Variants in CRTC3 observed in about 807,000 individuals in gnomAD.
CRTC3 encodes CREB regulated transcription coactivator 3.
In CRTC3, 26 loss-of-function variants were observed where a neutral mutation model predicts 74.5. The observed-to-expected ratio is 0.35, with a 90% CI of 0.26 to 0.48. The LOEUF (loss-of-function observed/expected upper bound fraction) is 0.48, where lower values mean the gene tolerates loss of function less well. Ranked by LOEUF, CRTC3 falls within the 20% of genes least tolerant of loss-of-function variation. The pLI, the probability that CRTC3 is intolerant of heterozygous loss-of-function variation, is 0.99. For synonymous variants in CRTC3, 377 were observed against 325.8 expected, an observed-to-expected ratio of 1.16 and a Z score of -1.69; for missense variants, 760 against 787.3, an observed-to-expected ratio of 0.97 and a Z score of 0.41.
intron 2 of CRTC3, among the ~76,000 whole-genome samples, chr15:90,559,972 T>A (rs1032731622): frequency 2.6e-5 from 4 of 152,264 alleles, no homozygotes; most frequent in African/African-American, 9.6e-5. Context: ...CCATTCTGGT[T>A]TCCTCTTCTG....
chr15:90,644,322 C>T lies in CRTC3; in HGVS notation c.*2182C>T, dbSNP rs1469948979. ...CAAAGGGCTTCCAAACCTGATCTCA[C>T]TCTCAACAGGCGATGGTGCTGATGT... is the stretch of plus-strand genomic sequence containing the variant. On this transcript the variant is annotated 3_prime_UTR_variant, in exon 15 of 15. Transcript: ENST00000268184. 2.6e-5 allele frequency: 6 copies of T among 230,198 alleles called. No homozygotes were observed. Among genetic ancestry groups the T allele is most frequent in the Middle Eastern group, 1.3e-3 (1 of 790 alleles). 14.3% of individuals were successfully genotyped at this position (230,198 alleles called of 1,614,324 possible). A position where few individuals can be genotyped will look rare whatever the true frequency, so the allele number is the denominator to read the frequency against.
At chr15:90,532,145 C>T (rs1966637983) in intron 1 of CRTC3, among the ~76,000 whole-genome samples, 1 of 152,228 alleles carries the variant, frequency 6.6e-6, no homozygotes, top group South Asian at 2.1e-4. Context: ...TAATTCTGCC[C>T]GTGTTTTCTT....
intron 2 of CRTC3, among the ~76,000 whole-genome samples, chr15:90,590,831 G>C (rs8031714): frequency 0.69 from 105,520 of 152,110 alleles, 37,677 homozygotes; most frequent in South Asian, 0.86. Context: ...AAGAAGAGAA[G>C]AAAATATCAA....
chr15:90,638,366 C>T (rs767444610), intron 11 of CRTC3, 80 bp from the exon 12 acceptor site: 18 of 1,254,818 alleles, frequency 1.4e-5, no homozygotes, highest in Non-Finnish European at 2.0e-5. Flanking sequence ...CTTCCTCTCA[C>T]TCTGACATTT....
At chr15:90,634,892 G>C in intron 11 of CRTC3, 1 of 1,570,956 alleles carries the variant, frequency 6.4e-7, no homozygotes, top group East Asian at 2.2e-5. Context: ...CTAAAGGTAA[G>C]GCTGGAGAGA....
At chr15:90,566,560 A>G (rs1967127002) in intron 2 of CRTC3, among the ~76,000 whole-genome samples, 1 of 150,952 alleles carries the variant, frequency 6.6e-6, no homozygotes, top group African/African-American at 2.4e-5. Context: ...TTAAAAAAAA[A>G]AAAGAGGAAG....
At chr15:90,547,252 C>G (rs996100889) in intron 2 of CRTC3, among the ~76,000 whole-genome samples, 5 of 152,156 alleles carry the variant, frequency 3.3e-5, no homozygotes, top group Admixed American at 1.3e-4. Flanking sequence ...AGAATCTGCT[C>G]TCAGCAATTT....
chr15:90,612,026 A>ACTCCTCCTC (rs59213374), intron 6 of CRTC3, among the ~76,000 whole-genome samples: 20 of 51,238 alleles, frequency 3.9e-4, no homozygotes, highest in South Asian at 1.1e-3. Flanking sequence ...ACCACCCCCC[A>ACTCCTCCTC]CTCCTCCTCC....
At chr15:90,565,481 A>G (rs1221066991) in intron 2 of CRTC3, among the ~76,000 whole-genome samples, 1 of 152,116 alleles carries the variant, frequency 6.6e-6, no homozygotes, top group Non-Finnish European at 1.5e-5. Context: ...TGGGTAATGC[A>G]ATGTGCTCTT....
chr15:90,568,892 A>G (rs1967188190), intron 2 of CRTC3, among the ~76,000 whole-genome samples: 1 of 152,228 alleles, frequency 6.6e-6, no homozygotes, highest in Admixed American at 6.5e-5. Context: ...AGCATTTTTT[A>G]GCAATAAAGT....
At position 90,631,200 on chromosome 15, in the gene CRTC3, C is replaced by T. The variant is rs144194016; in HGVS notation, c.1266+1668C>T. ...TGGTCACTCTTTACCAATTACTAGC[C>T]GTGGCGTGTTGATCGTATGAGTGAT... On this transcript the variant is annotated intron_variant, in intron 11 of 14. Coordinates refer to ENST00000268184, the MANE Select transcript of CRTC3 (RefSeq NM_022769.5). 1.4e-4 allele frequency among the ~76,000 whole-genome samples: 21 copies of T among 152,232 alleles called. 1 individual carries two copies. The East Asian group carries it at 2.7e-3, about 20-fold the overall frequency.
At chr15:90,561,118 C>G (rs1967002526) in intron 2 of CRTC3, among the ~76,000 whole-genome samples, 1 of 152,134 alleles carries the variant, frequency 6.6e-6, no homozygotes, top group Admixed American at 6.5e-5. Flanking sequence ...CAAGATGTGG[C>G]TACTAATAGT....
Position 90,603,325 on chromosome 15 carries a change from C to A in CRTC3, c.413+940C>A, listed in dbSNP as rs906345880. Among the ~76,000 whole-genome samples the A allele has an allele frequency of 2.0e-5, 3 of 150,528 alleles. No individual in the cohort carries two copies. The East Asian group carries it at 6.0e-4, about 30-fold the overall frequency. On this transcript the variant is annotated intron_variant, in intron 4 of 14. Transcript: ENST00000268184. ...GGGCGTGGTGGCAGGCGCCTGTAGTCCCAGCTACTCGGGAGGCTGAGGCAG... is the reference window on the plus strand; with the variant it reads ...GGGCGTGGTGGCAGGCGCCTGTAGTACCAGCTACTCGGGAGGCTGAGGCAG...
At chr15:90,578,747 G>A (rs994681866) in intron 2 of CRTC3, among the ~76,000 whole-genome samples, 1 of 152,142 alleles carries the variant, frequency 6.6e-6, no homozygotes, top group African/African-American at 2.4e-5. Context: ...GAAGGGGAGC[G>A]AGAATTGAGG....
At chr15:90,575,142 C>T (rs891988240) in intron 2 of CRTC3, among the ~76,000 whole-genome samples, 1 of 152,074 alleles carries the variant, frequency 6.6e-6, no homozygotes, top group Non-Finnish European at 1.5e-5. Flanking sequence ...CTGAGGTCAG[C>T]AGTTCGAGAC....
intron 10 of CRTC3, among the ~76,000 whole-genome samples, chr15:90,628,417 C>T (rs527564910): frequency 6.6e-6 from 1 of 152,152 alleles, no homozygotes; most frequent in Non-Finnish European, 1.5e-5. Flanking sequence ...TTGAGATACA[C>T]ACAGCAGCAG....
chr15:90,583,705 C>T (rs1301000279), intron 2 of CRTC3, among the ~76,000 whole-genome samples: 3 of 152,074 alleles, frequency 2.0e-5, no homozygotes, highest in Non-Finnish European at 2.9e-5. Context: ...GAACTGAAGC[C>T]CCTGCCTGCT....
chr15:90,623,853 CT>C (rs1968734740), intron 9 of CRTC3, among the ~76,000 whole-genome samples: 1 of 152,178 alleles, frequency 6.6e-6, no homozygotes, highest in Non-Finnish European at 1.5e-5. Flanking sequence ...GGTCTGAATC[CT>C]CACAGTTCTG....
intron 2 of CRTC3, among the ~76,000 whole-genome samples, chr15:90,556,593 T>C (rs1440385610): frequency 2.0e-5 from 3 of 152,188 alleles, no homozygotes; most frequent in Non-Finnish European, 4.4e-5. Flanking sequence ...TGACCAAGGC[T>C]GCCTAGCAAA....
Sources: allele counts gnomAD v4.1 joint callset (sites outside exome capture counted in the v4.1 genomes callset), GRCh38; gene constraint gnomAD v4.1.1; transcripts MANE v1.5; gene names NCBI Gene and HGNC (gene_info 2026-07-23, HGNC 2026-07-21).